THEMIS: variants seen among roughly 807,000 people sequenced by gnomAD.
The protein encoded by THEMIS is protein THEMIS.
Under a neutral mutation model 52.6 loss-of-function variants are expected in THEMIS, and 37 were observed. That is an observed-to-expected ratio of 0.70 (90% confidence interval 0.54 to 0.93). The LOEUF (loss-of-function observed/expected upper bound fraction) is 0.93, where lower values mean the gene tolerates loss of function less well. THEMIS is among the 40% of genes least tolerant of loss of function. THEMIS has a pLI of 0.00. For missense variants in THEMIS, 808 were observed against 763.1 expected (o/e 1.06, Z -0.69); for synonymous variants, 292 against 272.7 (o/e 1.07, Z -0.70).
rs1256292703 is a variant in THEMIS, at chr6:127,829,715, T to C, written c.470A>G (p.Asn157Ser). Residue 157 changes from asparagine to serine, a missense_variant, in exon 3 of 6, where the codon AAT (asparagine) becomes AGT (serine). Physicochemically the swap from Asn to Ser is conservative, Grantham distance 46 (BLOSUM62 1). Transcript: ENST00000368248. ...EIMVSCAVARNHQTHSFNLPL... is the reference protein window; with the variant it reads ...EIMVSCAVARSHQTHSFNLPL... The stretch of plus-strand genomic sequence containing the variant: ...CAAATTAAATGAGTGAGTTTGATGA[T>C]TCCTTGCTACTGCACAGCTCACCAT... The C allele has an allele frequency of 1.2e-6, 2 of 1,614,032 alleles. No individual in the cohort carries two copies. Among genetic ancestry groups the C allele is most frequent in the Non-Finnish European group, 1.7e-6 (2 of 1,180,018 alleles).
intron 4 of THEMIS, among the ~76,000 whole-genome samples, chr6:127,808,762 AT>A (rs893989967): frequency 2.6e-5 from 4 of 151,050 alleles, no homozygotes; most frequent in East Asian, 1.9e-4. Flanking sequence ...ACACCAATCT[AT>A]TTTTTTTTCT....
At chr6:127,697,792 C>A in the THEMIS span, among the ~76,000 whole-genome samples, 1 of 152,116 alleles carries the variant, frequency 6.6e-6, no homozygotes, top group South Asian at 2.1e-4. Flanking sequence ...ATCTGAATAG[C>A]ACTGCCACTT....
intron 4 of THEMIS, among the ~76,000 whole-genome samples, chr6:127,754,575 C>A (rs577249770): frequency 6.6e-6 from 1 of 152,206 alleles, no homozygotes; most frequent in African/African-American, 2.4e-5. Flanking sequence ...AACTCTCCCT[C>A]GATGAAATAA....
chr6:127,758,416 A>C (rs1775907480), intron 4 of THEMIS, among the ~76,000 whole-genome samples: 1 of 147,920 alleles, frequency 6.8e-6, no homozygotes, highest in South Asian at 2.1e-4. Context: ...CCTTATAATA[A>C]ATATATATTA....
the THEMIS span, among the ~76,000 whole-genome samples, chr6:127,697,313 C>T: frequency 1.3e-5 from 2 of 152,230 alleles, no homozygotes; most frequent in East Asian, 1.9e-4. Context: ...TTCCAAAATA[C>T]GTACAAAATT....
At chr6:127,814,002 T>C in intron 3 of THEMIS, 71 bp from the exon 4 acceptor site, 1 of 1,238,920 alleles carries the variant, frequency 8.1e-7, no homozygotes, top group Non-Finnish European at 1.1e-6. Context: ...ACTCTCCTGA[T>C]GCCATAAATA....
downstream of THEMIS, among the ~76,000 whole-genome samples, chr6:127,704,902 T>C (rs1258995562): frequency 2.6e-5 from 4 of 152,220 alleles, no homozygotes; most frequent in Non-Finnish European, 5.9e-5. Flanking sequence ...TGGGTCAACT[T>C]AGTATATTAG....
intron 4 of THEMIS, among the ~76,000 whole-genome samples, chr6:127,780,811 G>A (rs1029480625): frequency 6.6e-6 from 1 of 151,718 alleles, no homozygotes; most frequent in African/African-American, 2.4e-5. Context: ...CAACCTTTCT[G>A]GTTGCTCTAA....
intron 4 of THEMIS, among the ~76,000 whole-genome samples, chr6:127,765,086 C>T (rs541762914): frequency 6.6e-6 from 1 of 152,062 alleles, no homozygotes; most frequent in Middle Eastern, 3.4e-3. Flanking sequence ...TATTATAGCA[C>T]ATAATTTCTT....
intron 4 of THEMIS, among the ~76,000 whole-genome samples, chr6:127,785,956 T>A (rs993233685): frequency 6.6e-6 from 1 of 152,100 alleles, no homozygotes; most frequent in Admixed American, 6.6e-5. Context: ...TTTAAGGCAC[T>A]GAAAGTACCT....
At chr6:127,889,295 C>T (rs1780734873) in intron 1 of THEMIS, among the ~76,000 whole-genome samples, 1 of 152,054 alleles carries the variant, frequency 6.6e-6, no homozygotes, top group South Asian at 2.1e-4. Flanking sequence ...ACAAGCATAC[C>T]ATGTACTCAA....
At chr6:127,849,563 A>C (rs1200811076) in intron 2 of THEMIS, among the ~76,000 whole-genome samples, 1 of 152,030 alleles carries the variant, frequency 6.6e-6, no homozygotes, top group African/African-American at 2.4e-5. Context: ...CCAATGGAAC[A>C]GAATACAGAA....
intron 1 of THEMIS, among the ~76,000 whole-genome samples, chr6:127,900,138 A>G (rs953662748): frequency 4.6e-5 from 7 of 151,772 alleles, no homozygotes; most frequent in African/African-American, 1.7e-4. Context: ...ATTGTATTCT[A>G]TGTATTCAAA....
chr6:127,829,122 A>G (rs902058289), intron 3 of THEMIS, among the ~76,000 whole-genome samples: 1 of 152,212 alleles, frequency 6.6e-6, no homozygotes, highest in African/African-American at 2.4e-5. Flanking sequence ...CCTCCATACA[A>G]GAAAGCCTCA....
chr6:127,832,012 T>C (rs770258256), intron 2 of THEMIS, among the ~76,000 whole-genome samples: 7 of 152,102 alleles, frequency 4.6e-5, no homozygotes, highest in Non-Finnish European at 1.0e-4. Context: ...GTATAGAAAA[T>C]TCAGCAGTTA....
chr6:127,868,090 A>G (rs2114368323), intron 1 of THEMIS, among the ~76,000 whole-genome samples: 1 of 152,326 alleles, frequency 6.6e-6, no homozygotes, highest in Non-Finnish European at 1.5e-5. Context: ...AAATAAAGAT[A>G]GTGCCTCAAC....
At chr6:127,814,991 T>G (rs879797066) in intron 3 of THEMIS, among the ~76,000 whole-genome samples, 3 of 152,058 alleles carry the variant, frequency 2.0e-5, no homozygotes, top group Non-Finnish European at 2.9e-5. Flanking sequence ...ACCTTGTCTC[T>G]GTACAAAAAT....
chr6:127,822,195 G>T (rs1287640427), intron 3 of THEMIS, among the ~76,000 whole-genome samples: 3 of 151,972 alleles, frequency 2.0e-5, no homozygotes, highest in Non-Finnish European at 4.4e-5. Flanking sequence ...TTATAGGGCA[G>T]TTATTAGATT....
At chr6:127,889,841 T>A (rs1378847987) in intron 1 of THEMIS, among the ~76,000 whole-genome samples, 2 of 152,108 alleles carry the variant, frequency 1.3e-5, no homozygotes, top group African/African-American at 4.8e-5. Flanking sequence ...TAAGTTGATT[T>A]AAGAATTGTT....
Sources: gnomAD v4.1 joint callset for allele counts (sites outside exome capture counted in the v4.1 genomes callset) on GRCh38, gnomAD v4.1.1 for gene constraint, MANE v1.5 for transcripts, NCBI Gene and HGNC (gene_info 2026-07-23, HGNC 2026-07-21) for gene names.